Variants in SGCD observed in about 807,000 individuals in gnomAD.
The protein encoded by SGCD is delta-sarcoglycan.
SGCD carries 18 observed loss-of-function variants against 36.6 expected under a neutral mutation model. That is an observed-to-expected ratio of 0.49 (90% CI 0.34 to 0.73). SGCD has a LOEUF of 0.73. Ranked by LOEUF, SGCD falls within the 30% of genes least tolerant of loss-of-function variation. SGCD has a pLI of 0.01. For synonymous variants in SGCD, 133 were observed against 130.6 expected, an observed-to-expected ratio of 1.02 and a Z score of -0.12; for missense variants, 387 against 346.7, an observed-to-expected ratio of 1.12 and a Z score of -0.92.
chr5:156,549,048 A>G (rs984172294), intron 4 of SGCD, among the ~76,000 whole-genome samples: 1 of 151,904 alleles, frequency 6.6e-6, no homozygotes, highest in Non-Finnish European at 1.5e-5. Context: ...CCACCACCTT[A>G]TTCCCTTCCC....
chr5:155,728,732 C>A, the SGCD span, among the ~76,000 whole-genome samples: 4 of 152,102 alleles, frequency 2.6e-5, no homozygotes, highest in East Asian at 2.0e-4. Flanking sequence ...CGAAGTCCGC[C>A]CCCAGAGCCG....
chr5:156,251,245 G>C (rs1300241801), intron 3 of SGCD, among the ~76,000 whole-genome samples: 1 of 152,130 alleles, frequency 6.6e-6, no homozygotes, highest in Non-Finnish European at 1.5e-5. Context: ...AGTGACTAAA[G>C]ATAATCTGGA....
At chr5:156,728,468 G>T (rs1253890014) in intron 7 of SGCD, among the ~76,000 whole-genome samples, 1 of 115,028 alleles carries the variant, frequency 8.7e-6, no homozygotes, top group Non-Finnish European at 1.6e-5. Context: ...CCGAGTTTGC[G>T]CCACTGCACT....
intron 1 of SGCD, among the ~76,000 whole-genome samples, chr5:156,074,454 C>T (rs1280396043): frequency 1.3e-5 from 2 of 151,604 alleles, no homozygotes; most frequent in African/African-American, 2.4e-5. Context: ...GAGGCTGAAG[C>T]AAGCGGATCA....
intron 3 of SGCD, among the ~76,000 whole-genome samples, chr5:156,203,109 A>C (rs1239243427): frequency 2.0e-5 from 3 of 152,160 alleles, no homozygotes; most frequent in Non-Finnish European, 4.4e-5. Context: ...TTAGTGTTTT[A>C]TAGAAGCCAT....
chr5:156,224,345 C>T (rs1764794200), intron 3 of SGCD, among the ~76,000 whole-genome samples: 1 of 152,082 alleles, frequency 6.6e-6, no homozygotes, highest in South Asian at 2.1e-4. Context: ...CATTATTCCT[C>T]AGTTTGCCTC....
At chr5:156,021,004 T>G (rs1759084243) in intron 1 of SGCD, among the ~76,000 whole-genome samples, 1 of 152,218 alleles carries the variant, frequency 6.6e-6, no homozygotes, top group Admixed American at 6.5e-5. Flanking sequence ...AAGGCTTTTC[T>G]TTCTTCATCC....
intron 1 of SGCD, among the ~76,000 whole-genome samples, chr5:156,038,016 G>A (rs540755486): frequency 3.3e-5 from 5 of 152,128 alleles, no homozygotes; most frequent in Admixed American, 6.6e-5. Context: ...AAGCCTTCCC[G>A]TAACTGTCCT....
At chr5:155,776,208 C>T in the SGCD span, among the ~76,000 whole-genome samples, 45 of 152,146 alleles carry the variant, frequency 3.0e-4, no homozygotes, top group Admixed American at 9.8e-4. Context: ...GAATATAGGA[C>T]GGCAATTCTT....
chr5:155,816,623 T>C, the SGCD span, among the ~76,000 whole-genome samples: 1 of 152,096 alleles, frequency 6.6e-6, no homozygotes, highest in African/African-American at 2.4e-5. Context: ...GTTTTGGGTA[T>C]AGTGATAGTA....
At chr5:156,243,975 G>A (rs925625997) in intron 3 of SGCD, among the ~76,000 whole-genome samples, 1 of 152,016 alleles carries the variant, frequency 6.6e-6, no homozygotes, top group Non-Finnish European at 1.5e-5. Flanking sequence ...CTTATTTCAC[G>A]GTACCTCTCC....
intron 7 of SGCD, among the ~76,000 whole-genome samples, chr5:156,756,772 C>T (rs531670150): frequency 1.3e-5 from 2 of 152,284 alleles, no homozygotes; most frequent in South Asian, 2.1e-4. Context: ...GTAACCACCA[C>T]TGCAATCAAG....
chr5:155,977,190 T>G (rs548697063), intron 1 of SGCD, among the ~76,000 whole-genome samples: 6 of 152,318 alleles, frequency 3.9e-5, no homozygotes, highest in African/African-American at 1.2e-4. Flanking sequence ...TGTCCAGATC[T>G]CATGCCCTTA....
intron 1 of SGCD, among the ~76,000 whole-genome samples, chr5:155,931,360 G>A (rs1757094191): frequency 6.6e-6 from 1 of 152,024 alleles, no homozygotes; most frequent in Admixed American, 6.6e-5. Flanking sequence ...ACATCTTAAT[G>A]GATTATTTTT....
intron 4 of SGCD, among the ~76,000 whole-genome samples, chr5:156,558,828 T>G (rs930835768): frequency 6.6e-6 from 1 of 152,178 alleles, no homozygotes; most frequent in African/African-American, 2.4e-5. Flanking sequence ...CCAACGAATG[T>G]GAAAACACTG....
At chr5:156,496,553 G>A (rs537460445) in intron 3 of SGCD, among the ~76,000 whole-genome samples, 1 of 152,132 alleles carries the variant, frequency 6.6e-6, no homozygotes, top group African/African-American at 2.4e-5. Context: ...TGTACTATCT[G>A]TCTTCTCTGA....
At chr5:156,380,767 T>A (rs1181014936) in intron 3 of SGCD, among the ~76,000 whole-genome samples, 1 of 152,178 alleles carries the variant, frequency 6.6e-6, no homozygotes, top group Non-Finnish European at 1.5e-5. Context: ...AGCAAGAGAA[T>A]TGATATCAAG....
intron 3 of SGCD, among the ~76,000 whole-genome samples, chr5:156,376,594 G>A (rs763392667): frequency 3.9e-5 from 6 of 152,222 alleles, no homozygotes; most frequent in Non-Finnish European, 5.9e-5. Flanking sequence ...TACAAATGGA[G>A]CAGCTGAATC....
intron 3 of SGCD, 131 bp from the exon 4 acceptor site, chr5:156,508,470 A>T: frequency 1.6e-6 from 1 of 618,316 alleles, no homozygotes. Context: ...ATGTTTTTTG[A>T]ATACCCGTCC....
Sources: allele counts gnomAD v4.1 joint callset (sites outside exome capture counted in the v4.1 genomes callset), GRCh38; gene constraint gnomAD v4.1.1; transcripts MANE v1.5; gene names NCBI Gene and HGNC (gene_info 2026-07-23, HGNC 2026-07-21).